The following PCDHA5 variants were observed in gnomAD, a reference collection of about 807,000 sequenced individuals.
PCDHA5 encodes the protein protocadherin alpha 5, also known as protocadherin alpha-5.
A neutral mutation model predicts 61.6 loss-of-function variants in PCDHA5; 43 were observed. The ratio of observed to expected loss-of-function variants is 0.70; its 90% CI spans 0.55 to 0.90. The LOEUF (loss-of-function observed/expected upper bound fraction) is 0.90. Among genes scored for constraint, PCDHA5 ranks in the 40% least tolerant of loss-of-function variants. The pLI, the probability that PCDHA5 is intolerant of heterozygous loss-of-function variation, is 0.00. For missense variants in PCDHA5, 1,298 were observed against 1,222.7 expected, an observed-to-expected ratio of 1.06 and a Z score of -0.92; for synonymous variants, 627 against 543.9, an observed-to-expected ratio of 1.15 and a Z score of -2.13.
intron 1 of PCDHA5, chr5:140,849,883 T>A (rs2150456208): frequency 6.3e-7 from 1 of 1,598,406 alleles, no homozygotes; most frequent in Non-Finnish European, 8.6e-7. Context: ...TACACGGTGT[T>A]CGTGAAGGAG....
intron 1 of PCDHA5, chr5:140,877,218 G>A: frequency 6.2e-7 from 1 of 1,613,726 alleles, no homozygotes; most frequent in Non-Finnish European, 8.5e-7. Context: ...AGTTGGTACC[G>A]CGGTCGGTGG....
chr5:140,834,794 AAG>A (rs1773294671), intron 1 of PCDHA5: 1 of 1,613,446 alleles, frequency 6.2e-7, no homozygotes, highest in South Asian at 1.1e-5. Flanking sequence ...CAGCGACACA[AAG>A]GAATCTGTTC....
chr5:140,828,251 C>T (rs1278959274), intron 1 of PCDHA5: 6 of 1,614,002 alleles, frequency 3.7e-6, no homozygotes, highest in Non-Finnish European at 5.1e-6. Context: ...GGACCTGGGG[C>T]TGGAGCTGGC....
At chr5:140,994,004 C>T (rs1366489476) in intron 3 of PCDHA5, among the ~76,000 whole-genome samples, 3 of 152,186 alleles carry the variant, frequency 2.0e-5, no homozygotes, top group Non-Finnish European at 2.9e-5. Context: ...AGGCCAGGCT[C>T]TGTTCTAGGT....
At chr5:140,922,735 G>A (rs1370700616) in intron 1 of PCDHA5, among the ~76,000 whole-genome samples, 2 of 152,078 alleles carry the variant, frequency 1.3e-5, no homozygotes, top group Admixed American at 1.3e-4. Flanking sequence ...ACAAGGTTGA[G>A]AAAAATAAAT....
intron 1 of PCDHA5, chr5:140,867,277 A>G (rs2153229225): frequency 6.6e-6 from 1 of 152,228 alleles, no homozygotes; most frequent in East Asian, 1.9e-4. Context: ...AATAAACCTG[A>G]TGTGCTTCAA....
intron 1 of PCDHA5, chr5:140,863,282 A>T (rs782183211): frequency 6.8e-7 from 1 of 1,461,396 alleles, no homozygotes; most frequent in East Asian, 3.4e-5. Context: ...GTGGATGTCA[A>T]CGTGTACCTG....
At chr5:140,851,185 A>G in intron 1 of PCDHA5, 4 of 1,237,652 alleles carry the variant, frequency 3.2e-6, no homozygotes, top group Non-Finnish European at 4.1e-6. Flanking sequence ...TTGAAAACCA[A>G]TTTAGTTGTT....
chr5:140,925,952 ACTG>A (rs1295981015), intron 1 of PCDHA5, among the ~76,000 whole-genome samples: 1 of 151,952 alleles, frequency 6.6e-6, no homozygotes, highest in Non-Finnish European at 1.5e-5. Flanking sequence ...AGAAGGAGAA[ACTG>A]CTATCACGCA....
Position 140,958,902 on chromosome 5 carries a change from GAA to G in PCDHA5, c.2353-20044_2353-20043del, listed in dbSNP as rs201571519. On this transcript the variant is annotated intron_variant, in intron 1 of 3. Transcript: ENST00000529859. ...GACCAGTAGCTATATAATAGATACA[GAA>G]AAGTCTGCCTGGGTGTGGTGGCTCA... Among the ~76,000 whole-genome samples the G allele has an allele frequency of 8.2e-3, 1,248 of 152,002 alleles. 7 individuals carry two copies. The highest frequency in any genetic ancestry group is 0.021 in the Middle Eastern group (6 of 292).
rs199785183 is a variant in PCDHA5 at position 140,850,432 on chromosome 5, G to T, written c.2352+26305G>T. On this transcript the variant is annotated intron_variant, in intron 1 of 3. Transcript: ENST00000529859. ...GACGAAACGGACGCACCGCGCCAGC[G>T]CCTACTGGTGCTGGTGAAAGACCAC... 1.6e-4 allele frequency: 251 copies of T among 1,597,712 alleles called. 21 individuals carry two copies. The highest frequency in any genetic ancestry group is 3.2e-4 in the Admixed American group (19 of 59,266).
At chr5:140,958,406 G>A (rs576536874) in intron 1 of PCDHA5, among the ~76,000 whole-genome samples, 2 of 152,204 alleles carry the variant, frequency 1.3e-5, no homozygotes, top group African/African-American at 4.8e-5. Context: ...CATTATCACT[G>A]ATGCTTGGAA....
At chr5:140,895,730 A>G (rs781978402) in intron 1 of PCDHA5, among the ~76,000 whole-genome samples, 4 of 152,280 alleles carry the variant, frequency 2.6e-5, no homozygotes, top group Middle Eastern at 3.4e-3. Flanking sequence ...CCTCCATTCA[A>G]TGGGCTGCAA....
Position 140,871,175 on chromosome 5 carries a change from C to T in PCDHA5, c.2352+47048C>T, listed in dbSNP as rs782460096. ...GCGGGCGCCGCGAGCCCAGAGGCTG[C>T]GCTGGTGGATGTCAACGTGTACCTG... is the stretch of plus-strand genomic sequence containing the variant. On this transcript the variant is annotated intron_variant, in intron 1 of 3. Transcript: ENST00000529859. 8 of 1,613,402 alleles carry T rather than the reference C, an allele frequency of 5.0e-6. No individual in the cohort carries two copies. In the African/African-American group the frequency reaches 5.3e-5, roughly 11 times the overall value.
intron 1 of PCDHA5, among the ~76,000 whole-genome samples, chr5:140,944,313 G>A (rs2093639720): frequency 6.6e-6 from 1 of 152,066 alleles, no homozygotes; most frequent in Non-Finnish European, 1.5e-5. Context: ...TCAGCCTCCT[G>A]AGTAGCTGGG....
Position 141,009,965 on chromosome 5 carries a change from G to A in PCDHA5, c.*28G>A, listed in dbSNP as rs782001097. On this transcript the variant is annotated 3_prime_UTR_variant, in exon 4 of 4. Coordinates refer to ENST00000529859, the MANE Select transcript of PCDHA5 (RefSeq NM_018908.3). ...TCCTCAAATGGAAACAAGCCACTTA[G>A]CCAGTTTTTGTAATAATGGCAAATC... is the stretch of plus-strand genomic sequence containing the variant. 1.6e-5 allele frequency: 26 copies of A among 1,587,906 alleles called. No individual in the cohort carries two copies. Among genetic ancestry groups the A allele is most frequent in the Non-Finnish European group, 2.6e-6 (3 of 1,170,436 alleles).
At chr5:140,877,881 G>T (rs782565949) in intron 1 of PCDHA5, 73 of 1,468,602 alleles carry the variant, frequency 5.0e-5, no homozygotes, top group Non-Finnish European at 5.9e-5. Flanking sequence ...TTTCCTTGAA[G>T]AACTTCCGTT....
chr5:140,962,764 T>C (rs946789298), intron 1 of PCDHA5, among the ~76,000 whole-genome samples: 7 of 152,226 alleles, frequency 4.6e-5, no homozygotes, highest in African/African-American at 1.7e-4. Flanking sequence ...TATTCGTTTT[T>C]AACAAGATGG....
At chr5:140,870,318 G>T in intron 1 of PCDHA5, 1 of 1,614,178 alleles carries the variant, frequency 6.2e-7, no homozygotes, top group Non-Finnish European at 8.5e-7. Context: ...ATTACTACTC[G>T]TTGGTGCTGG....
Sources: allele counts gnomAD v4.1 joint callset (sites outside exome capture counted in the v4.1 genomes callset), GRCh38; gene constraint gnomAD v4.1.1; transcripts MANE v1.5; gene names NCBI Gene and HGNC (gene_info 2026-07-23, HGNC 2026-07-21).